SORBS2: variants seen among roughly 807,000 people sequenced by gnomAD.
SORBS2 encodes the protein sorbin and SH3 domain containing 2.
Under a neutral mutation model 97.7 loss-of-function variants are expected in SORBS2, and 46 were observed. The ratio of observed to expected loss-of-function variants is 0.47; its 90% CI spans 0.37 to 0.60. The LOEUF (loss-of-function observed/expected upper bound fraction) is 0.60. SORBS2 is among the 20% of genes least tolerant of loss of function. The probability of loss-of-function intolerance (pLI) is 0.00; values close to 1 mark genes in which losing one functional copy is unlikely to be tolerated. For missense variants in SORBS2, 1,316 were observed against 1,282.3 expected (o/e 1.03, Z -0.40); for synonymous variants, 476 against 473.4 (o/e 1.01, Z -0.07).
At chr4:185,633,292 G>T (rs2096937139) in intron 4 of SORBS2, among the ~76,000 whole-genome samples, 1 of 151,958 alleles carries the variant, frequency 6.6e-6, no homozygotes, top group Non-Finnish European at 1.5e-5. Flanking sequence ...AATAACAAAA[G>T]GTTATTAAAG....
At chr4:185,868,147 C>CTTTTTTCTTTTTTTTTTT (rs1554043746) in intron 1 of SORBS2, among the ~76,000 whole-genome samples, 3 of 89,764 alleles carry the variant, frequency 3.3e-5, no homozygotes, top group Non-Finnish European at 4.4e-5. Context: ...CTTTTCTTTT[C>CTTTTTTCTTTTTTTTTTT]TTTTTTTCTT....
intron 1 of SORBS2, among the ~76,000 whole-genome samples, chr4:185,842,798 G>A (rs1198650621): frequency 1.3e-5 from 2 of 151,960 alleles, no homozygotes; most frequent in African/African-American, 4.8e-5. Context: ...AGCCAGGCAT[G>A]GTAGTATATG....
rs1265565895 is a variant in SORBS2 at position 185,827,949 on chromosome 4, ATCATCG to A, written c.-337-52589_-337-52584del. Among the ~76,000 whole-genome samples, 11 of 37,394 alleles carry A rather than the reference ATCATCG, an allele frequency of 2.9e-4. 1 individual carries two copies. The East Asian group carries it at 3.8e-3, about 13-fold the overall frequency. 24.5% of individuals were successfully genotyped at this position (37,394 alleles called of 152,430 possible). On this transcript the variant is annotated intron_variant, in intron 1 of 20. Transcript: ENST00000284776. ...CACCATCATCACCATCATCATCATC[ATCATCG>A]TCACCATCATCATCATCTCATCACC...
intron 2 of SORBS2, among the ~76,000 whole-genome samples, chr4:185,743,655 T>C (rs1176142881): frequency 6.6e-6 from 1 of 152,098 alleles, no homozygotes; most frequent in Non-Finnish European, 1.5e-5. Flanking sequence ...TGAAAGAGGG[T>C]TCAGGTAGCA....
chr4:185,648,359 G>A (rs993911956), intron 3 of SORBS2, among the ~76,000 whole-genome samples: 11 of 151,976 alleles, frequency 7.2e-5, no homozygotes, highest in African/African-American at 1.7e-4. Flanking sequence ...AAAATTAGCC[G>A]GGCGTGGTGG....
intron 1 of SORBS2, among the ~76,000 whole-genome samples, chr4:185,949,255 G>A (rs1183951396): frequency 6.6e-6 from 1 of 152,190 alleles, no homozygotes; most frequent in South Asian, 2.1e-4. Context: ...AGGCTGCTAT[G>A]GTAGGCAGGT....
chr4:185,880,628 A>G (rs1311253850), intron 1 of SORBS2, among the ~76,000 whole-genome samples: 2 of 152,262 alleles, frequency 1.3e-5, no homozygotes, highest in Non-Finnish European at 2.9e-5. Flanking sequence ...TATAGTATTC[A>G]TCAATAACTA....
chr4:185,850,565 A>G (rs890417887), intron 1 of SORBS2, among the ~76,000 whole-genome samples: 8 of 152,210 alleles, frequency 5.3e-5, no homozygotes, highest in African/African-American at 1.7e-4. Flanking sequence ...TGTGAGTGCT[A>G]TTAAAAACCC....
intron 1 of SORBS2, among the ~76,000 whole-genome samples, chr4:185,927,975 C>T (rs1040442483): frequency 5.3e-5 from 8 of 152,070 alleles, no homozygotes; most frequent in African/African-American, 1.9e-4. Flanking sequence ...CTGAAAAATA[C>T]TCATATTGCT....
At position 185,623,643 on chromosome 4, in the gene SORBS2, G is replaced by T; in HGVS notation, c.1486C>A (p.His496Asn). The change falls in exon 7 of 15, where the codon CAC (histidine) becomes AAC (asparagine). Residue 496 changes from histidine to asparagine, a missense_variant. By Grantham distance (68) the His-to-Asn change is moderately conservative. Transcript: ENST00000418609. This position sits in a 1 kb window ranked among gnomAD's most constrained non-coding sequence, Gnocchi z 6.4. Reference sequence around the variant, plus strand: ...TGGTCGCTGTCGGAAAACTCCACGTGTGCTCGGGGCTGCTCATCGCTGGTG... The same window carrying T: ...TGGTCGCTGTCGGAAAACTCCACGTTTGCTCGGGGCTGCTCATCGCTGGTG... 6.2e-7 allele frequency: 1 copy of T among 1,614,114 alleles called. No individual in the cohort carries two copies. Among genetic ancestry groups the T allele is most frequent in the Non-Finnish European group, 8.5e-7 (1 of 1,180,040 alleles).
At chr4:185,639,327 G>T (rs1561588641) in intron 4 of SORBS2, among the ~76,000 whole-genome samples, 1 of 152,152 alleles carries the variant, frequency 6.6e-6, no homozygotes, top group Admixed American at 6.5e-5. Context: ...GGGAGCCTGG[G>T]GTAAAATCCC....
Position 185,903,490 on chromosome 4 carries a change from C to T in SORBS2, c.-338+52706G>A, listed in dbSNP as rs569011422. On this transcript the variant is annotated intron_variant, in intron 1 of 20. Coordinates refer to the SORBS2 transcript ENST00000284776. Reference sequence around the variant, plus strand: ...ATCTGGAACAACATTGTGGGGAAGGCCAAGTTTCTGGTCAGTACAGAGCCT... The same window carrying T: ...ATCTGGAACAACATTGTGGGGAAGGTCAAGTTTCTGGTCAGTACAGAGCCT... Among the ~76,000 whole-genome samples, 10 of 152,276 alleles carry T rather than the reference C, an allele frequency of 6.6e-5. No individual in the cohort carries two copies. The South Asian group carries it at 2.1e-3, about 32-fold the overall frequency.
upstream of SORBS2, among the ~76,000 whole-genome samples, chr4:185,660,726 T>C (rs79572575): frequency 3.0e-3 from 455 of 152,202 alleles, 1 homozygote; most frequent in African/African-American, 0.01. Flanking sequence ...AAAGAAGACA[T>C]GGTGGTTCAA....
chr4:185,940,671 T>A (rs1188245407), intron 1 of SORBS2, among the ~76,000 whole-genome samples: 3 of 152,204 alleles, frequency 2.0e-5, no homozygotes, highest in African/African-American at 4.8e-5. Context: ...CTTACTCTTC[T>A]CCACCCAAGC....
chr4:185,701,891 C>T (rs903235705), intron 2 of SORBS2, among the ~76,000 whole-genome samples: 2 of 152,044 alleles, frequency 1.3e-5, no homozygotes, highest in African/African-American at 4.8e-5. Context: ...CTGCCTCAGC[C>T]TCCTGAGTAG....
At chr4:185,827,940 A>G (rs1485737626) in intron 1 of SORBS2, among the ~76,000 whole-genome samples, 4 of 138,744 alleles carry the variant, frequency 2.9e-5, no homozygotes, top group Non-Finnish European at 6.1e-5. Context: ...CATCACCATC[A>G]TCATCATCAT....
chr4:185,804,612 T>C (rs1431355042), intron 1 of SORBS2, among the ~76,000 whole-genome samples: 2 of 152,214 alleles, frequency 1.3e-5, no homozygotes, highest in African/African-American at 4.8e-5. Context: ...GGTATTATAC[T>C]TATAGATTTT....
At chr4:185,655,254 C>A (rs964624561) in intron 1 of SORBS2, among the ~76,000 whole-genome samples, 1 of 152,322 alleles carries the variant, frequency 6.6e-6, no homozygotes, top group Middle Eastern at 3.4e-3. Flanking sequence ...TTACAAAATT[C>A]TGTTTCCTCG....
intron 1 of SORBS2, among the ~76,000 whole-genome samples, chr4:185,786,557 G>A (rs1012699895): frequency 5.3e-5 from 8 of 152,218 alleles, no homozygotes; most frequent in African/African-American, 1.7e-4. Flanking sequence ...GGAAAGAACT[G>A]AGGGTTTGGA....
Sources: allele counts gnomAD v4.1 joint callset (sites outside exome capture counted in the v4.1 genomes callset), GRCh38; gene constraint gnomAD v4.1.1; non-coding constraint Gnocchi (gnomAD v3.1); transcripts MANE v1.5; gene names NCBI Gene and HGNC (gene_info 2026-07-23, HGNC 2026-07-21).